Variants in KIAA0586 observed in about 807,000 individuals in gnomAD.
KIAA0586 encodes the protein KIAA0586.
A neutral mutation model predicts 169.8 loss-of-function variants in KIAA0586; 144 were observed. The ratio of observed to expected loss-of-function variants is 0.85; its 90% CI spans 0.74 to 0.97. KIAA0586 has a LOEUF of 0.97. Among genes scored for constraint, KIAA0586 ranks in the 50% least tolerant of loss-of-function variants. The pLI, the probability that KIAA0586 is intolerant of heterozygous loss-of-function variation, is 0.00. For synonymous variants in KIAA0586, 625 were observed against 612.4 expected, an observed-to-expected ratio of 1.02 and a Z score of -0.30; for missense variants, 1,854 against 1,823.0, an observed-to-expected ratio of 1.02 and a Z score of -0.31.
chr14:58,498,772 G>T lies in KIAA0586; in HGVS notation c.3991-11G>T. Reference sequence around the variant, plus strand: ...TATAATGGTTTTAACAATTGTTTCTGCTTTTTAAAGGACTTGGAAAACAGT... The same window carrying T: ...TATAATGGTTTTAACAATTGTTTCTTCTTTTTAAAGGACTTGGAAAACAGT... On this transcript the variant is annotated splice_polypyrimidine_tract_variant and intron_variant, in intron 26 of 30. Coordinates refer to ENST00000652326, the MANE Select transcript of KIAA0586 (RefSeq NM_001329943.3). 6.3e-7 allele frequency: 1 copy of T among 1,578,016 alleles called. No homozygotes were observed. The highest frequency in any genetic ancestry group is 2.0e-5 in the Admixed American group (1 of 50,984).
chr14:58,428,666 C>CTTTTTT (rs33975443), intron 1 of KIAA0586, among the ~76,000 whole-genome samples: 1 of 74,152 alleles, frequency 1.3e-5, no homozygotes, highest in African/African-American at 4.8e-5. Flanking sequence ...CCCTGTTGTG[C>CTTTTTT]TTTTTTTTTT....
At chr14:58,512,771 A>G (rs2044480716) in intron 29 of KIAA0586, 144 bp downstream of exon 29, 2 of 538,076 alleles carry the variant, frequency 3.7e-6, no homozygotes, top group Non-Finnish European at 3.3e-6. Context: ...GTCCATTTAC[A>G]TGAAGAATCG....
intron 27 of KIAA0586, among the ~76,000 whole-genome samples, chr14:58,501,051 A>G (rs1476277555): frequency 6.6e-6 from 1 of 152,270 alleles, no homozygotes; most frequent in Non-Finnish European, 1.5e-5. Flanking sequence ...GTAATTTACA[A>G]ATAAATGAGG....
chr14:58,442,575 G>A (rs1294555140), intron 4 of KIAA0586, 131 bp from the exon 5 acceptor site: 7 of 621,514 alleles, frequency 1.1e-5, no homozygotes, highest in Non-Finnish European at 5.5e-6. Flanking sequence ...TTAACCAAAT[G>A]ACCTTGTTTG....
intron 30 of KIAA0586, among the ~76,000 whole-genome samples, chr14:58,545,117 T>G (rs779101273): frequency 8.5e-5 from 13 of 152,194 alleles, no homozygotes; most frequent in Non-Finnish European, 1.6e-4. Context: ...CATATAGATG[T>G]TTAGTTAGTG....
chr14:58,506,887 C>T lies in KIAA0586; in HGVS notation c.4169-1668C>T, dbSNP rs576605854. 1.9e-3 allele frequency among the ~76,000 whole-genome samples: 39 copies of T among 20,932 alleles called. No individual in the cohort carries two copies. In the South Asian group the frequency reaches 0.081, roughly 43 times the overall value. The allele number at this position is 20,932 out of a possible 152,430, so 13.7% of individuals were successfully genotyped here. On this transcript the variant is annotated intron_variant, in intron 27 of 30. Coordinates refer to ENST00000652326, the MANE Select transcript of KIAA0586 (RefSeq NM_001329943.3). The stretch of plus-strand genomic sequence containing the variant: ...CTGGGTGCAGTGCAGTGGCTCATGC[C>T]TGTAATCCCAGCACTTTGGGAGGCT...
chr14:58,530,012 C>T (rs1292498924), intron 29 of KIAA0586, among the ~76,000 whole-genome samples: 2 of 152,202 alleles, frequency 1.3e-5, no homozygotes, highest in Non-Finnish European at 2.9e-5. Flanking sequence ...AGCAAAGTCT[C>T]AGGGTACAAA....
chr14:58,431,013 A>G (rs936726548), intron 3 of KIAA0586, among the ~76,000 whole-genome samples: 6 of 152,188 alleles, frequency 3.9e-5, no homozygotes, highest in Non-Finnish European at 7.3e-5. Flanking sequence ...TGACTGGCTT[A>G]TTTCACTTAG....
intron 3 of KIAA0586, among the ~76,000 whole-genome samples, chr14:58,431,853 C>A (rs1364031140): frequency 6.6e-6 from 1 of 151,974 alleles, no homozygotes; most frequent in Non-Finnish European, 1.5e-5. Context: ...GCATTGAGTT[C>A]TTGATTTCAT....
intron 30 of KIAA0586, among the ~76,000 whole-genome samples, chr14:58,546,214 G>A (rs763125634): frequency 2.0e-5 from 3 of 151,990 alleles, no homozygotes; most frequent in Non-Finnish European, 4.4e-5. Flanking sequence ...TTGCTGTAAT[G>A]ATACCAAATC....
At chr14:58,530,272 T>C (rs2139997247) in intron 29 of KIAA0586, among the ~76,000 whole-genome samples, 1 of 152,332 alleles carries the variant, frequency 6.6e-6, no homozygotes, top group East Asian at 1.9e-4. Flanking sequence ...CTGCCCAAAG[T>C]AATTTATAGA....
chr14:58,561,248 G>A, the KIAA0586 span, among the ~76,000 whole-genome samples: 2 of 152,042 alleles, frequency 1.3e-5, no homozygotes, highest in Non-Finnish European at 2.9e-5. Context: ...AACAGTTTTG[G>A]TTTTAGTTGG....
intron 30 of KIAA0586, 89 bp from the exon 31 acceptor site, chr14:58,547,692 A>T (rs1440024700): frequency 3.7e-6 from 2 of 547,078 alleles, no homozygotes; most frequent in South Asian, 1.8e-5. Flanking sequence ...GCGCCCCCCC[A>T]CCCCAACCTC....
intron 26 of KIAA0586, among the ~76,000 whole-genome samples, chr14:58,493,830 A>C (rs1197478207): frequency 6.6e-6 from 1 of 152,068 alleles, no homozygotes; most frequent in East Asian, 1.9e-4. Context: ...GAGAGAGAGA[A>C]AGGAGGGAGA....
At chr14:58,517,395 T>C (rs902862087) in intron 29 of KIAA0586, among the ~76,000 whole-genome samples, 3 of 152,178 alleles carry the variant, frequency 2.0e-5, no homozygotes, top group African/African-American at 4.8e-5. Context: ...TCATTAGTAA[T>C]TGGGAAGATG....
chr14:58,530,292 A>G (rs1457198495), intron 29 of KIAA0586, among the ~76,000 whole-genome samples: 1 of 152,216 alleles, frequency 6.6e-6, no homozygotes, highest in South Asian at 2.1e-4. Context: ...ATTCAGTGCT[A>G]TCCCCATCAA....
chr14:58,524,577 T>C (rs972269458), intron 29 of KIAA0586, among the ~76,000 whole-genome samples: 3 of 152,166 alleles, frequency 2.0e-5, no homozygotes, highest in African/African-American at 4.8e-5. Context: ...TTCTGTTCTA[T>C]TTAGAATTAG....
chr14:58,547,792 G>A lies in KIAA0586; in HGVS notation c.4507G>A (p.Val1503Met). 3 of 1,613,472 alleles carry A rather than the reference G, an allele frequency of 1.9e-6. No homozygotes were observed. Among genetic ancestry groups the A allele is most frequent in the Non-Finnish European group, 2.5e-6 (3 of 1,179,590 alleles). Residue 1503 changes from valine to methionine, a missense_variant, in exon 31 of 31, where the codon GTG becomes ATG. Transcript: ENST00000652326. ...TCTCCTTTGTGCAGGTGGGAAAGCAGTGCCACTCTCCGCTTCACAGATGCC... is the reference window on the plus strand; with the variant it reads ...TCTCCTTTGTGCAGGTGGGAAAGCAATGCCACTCTCCGCTTCACAGATGCC... ...LTCVFSGGKA[V>M]PLSASQMPPA...
At chr14:58,520,151 A>C (rs1447727564) in intron 29 of KIAA0586, among the ~76,000 whole-genome samples, 1 of 152,226 alleles carries the variant, frequency 6.6e-6, no homozygotes, top group Non-Finnish European at 1.5e-5. Flanking sequence ...TTTAGATGAG[A>C]AAGAAAAATC....
Sources: gnomAD v4.1 joint callset for allele counts (sites outside exome capture counted in the v4.1 genomes callset) on GRCh38, gnomAD v4.1.1 for gene constraint, MANE v1.5 for transcripts, NCBI Gene and HGNC (gene_info 2026-07-23, HGNC 2026-07-21) for gene names.